The following PTPRM variants were observed in gnomAD, a reference collection of about 807,000 sequenced individuals.
The protein encoded by PTPRM is receptor-type tyrosine-protein phosphatase mu.
Under a neutral mutation model 186.7 loss-of-function variants are expected in PTPRM, and 47 were observed. That is an observed-to-expected ratio of 0.25 (90% CI 0.20 to 0.32). The LOEUF is 0.32. Among genes scored for constraint, PTPRM ranks in the 10% least tolerant of loss-of-function variants. The probability of loss-of-function intolerance (pLI) is 1.00; values close to 1 mark genes in which losing one functional copy is unlikely to be tolerated. For synonymous variants in PTPRM, 668 were observed against 674.9 expected, an observed-to-expected ratio of 0.99 and a Z score of 0.16; for missense variants, 1,494 against 1,865.0, an observed-to-expected ratio of 0.80 and a Z score of 3.66.
chr18:8,040,750 T>G (rs547583813), intron 7 of PTPRM, among the ~76,000 whole-genome samples: 1 of 152,342 alleles, frequency 6.6e-6, no homozygotes, highest in South Asian at 2.1e-4. Flanking sequence ...CAGTTCAAAG[T>G]TTATTTCACC....
In PTPRM at chr18:8,085,711, A is replaced by T; in HGVS notation, c.1592A>T (p.Asp531Val). 1 of 1,611,092 alleles carries T rather than the reference A, an allele frequency of 6.2e-7. No homozygotes were observed. Among genetic ancestry groups the T allele is most frequent in the South Asian group, 1.1e-5 (1 of 90,998 alleles). The change falls in exon 10 of 33, where the codon GAT (aspartate) becomes GTT (valine). Residue 531 changes from aspartate to valine, a missense_variant. Coordinates refer to ENST00000580170, the MANE Select transcript of PTPRM (RefSeq NM_001105244.2). The part of the protein sequence containing the change: ...KAVSSFDPEI[D>V]LSNQSGRVSK... ...GTCAGTTCCTTTGACCCAGAAATAG[A>T]TTTATCCAATCAGAGTGGAAGAGTT...
intron 1 of PTPRM, among the ~76,000 whole-genome samples, chr18:7,637,029 A>C (rs1292218268): frequency 6.6e-6 from 1 of 151,906 alleles, no homozygotes; most frequent in Non-Finnish European, 1.5e-5. Flanking sequence ...TTAACCAGGC[A>C]AGGTGGTGCA....
At chr18:7,835,714 C>T (rs1365852336) in intron 2 of PTPRM, among the ~76,000 whole-genome samples, 3 of 150,402 alleles carry the variant, frequency 2.0e-5, no homozygotes, top group Admixed American at 6.6e-5. Flanking sequence ...CTCTCTTTAG[C>T]GCTAATAATA....
intron 13 of PTPRM, among the ~76,000 whole-genome samples, chr18:8,123,678 T>C (rs2092252287): frequency 6.6e-6 from 1 of 152,182 alleles, no homozygotes; most frequent in African/African-American, 2.4e-5. Flanking sequence ...AGTAAAAGTA[T>C]TTGAGGGACA....
At chr18:7,900,433 TGTATTA>T (rs1302566980) in intron 3 of PTPRM, among the ~76,000 whole-genome samples, 2 of 152,220 alleles carry the variant, frequency 1.3e-5, no homozygotes, top group African/African-American at 4.8e-5. Context: ...TGCCAACTCT[TGTATTA>T]AACTTGATGC....
At chr18:7,772,932 A>G (rs1474168015) in intron 1 of PTPRM, among the ~76,000 whole-genome samples, 1 of 152,182 alleles carries the variant, frequency 6.6e-6, no homozygotes, top group Non-Finnish European at 1.5e-5. Context: ...AATAATTAAT[A>G]AGATCAATTT....
chr18:8,209,402 A>C (rs958116874), intron 14 of PTPRM, among the ~76,000 whole-genome samples: 1 of 152,182 alleles, frequency 6.6e-6, no homozygotes, highest in African/African-American at 2.4e-5. Flanking sequence ...GAAAAAAATC[A>C]AGGATGTCTC....
chr18:7,595,032 C>T (rs930087377), intron 1 of PTPRM, among the ~76,000 whole-genome samples: 5 of 152,128 alleles, frequency 3.3e-5, no homozygotes, highest in African/African-American at 1.2e-4. Flanking sequence ...TGTAGAATCA[C>T]CTTGGCAGCC....
chr18:8,112,798 G>A (rs974067983), intron 11 of PTPRM, among the ~76,000 whole-genome samples: 6 of 152,158 alleles, frequency 3.9e-5, no homozygotes, highest in African/African-American at 1.2e-4. Context: ...CCTTGCAGGC[G>A]TCTTCAGAGA....
At chr18:8,114,415 CT>C (rs1330093034) in intron 12 of PTPRM, among the ~76,000 whole-genome samples, 10 of 152,256 alleles carry the variant, frequency 6.6e-5, no homozygotes, top group Admixed American at 6.5e-4. Context: ...TCGTGGTCAA[CT>C]TGACTTTTGC....
intron 1 of PTPRM, among the ~76,000 whole-genome samples, chr18:7,620,297 CT>C (rs1388255747): frequency 6.6e-6 from 1 of 152,054 alleles, no homozygotes; most frequent in Non-Finnish European, 1.5e-5. Flanking sequence ...CTTCCTGCTT[CT>C]ACCCGCTAAG....
intron 1 of PTPRM, among the ~76,000 whole-genome samples, chr18:7,738,829 C>A (rs537799376): frequency 1.3e-5 from 2 of 152,254 alleles, no homozygotes; most frequent in African/African-American, 2.4e-5. Flanking sequence ...TTGGCCAATG[C>A]CGGCTGCAGG....
At chr18:7,724,973 A>G (rs751110503) in intron 1 of PTPRM, among the ~76,000 whole-genome samples, 10 of 152,194 alleles carry the variant, frequency 6.6e-5, no homozygotes, top group Non-Finnish European at 1.3e-4. Flanking sequence ...CTAGGACTCA[A>G]CAGATGCAAA....
chr18:8,291,534 ATTC>A (rs1224266034), intron 19 of PTPRM, among the ~76,000 whole-genome samples: 9 of 152,188 alleles, frequency 5.9e-5, no homozygotes, highest in Non-Finnish European at 1.3e-4. Context: ...TCAGAGTAGA[ATTC>A]TTCTTAAAGC....
intron 1 of PTPRM, among the ~76,000 whole-genome samples, chr18:7,693,941 T>G (rs2039788193): frequency 6.6e-6 from 1 of 152,164 alleles, no homozygotes; most frequent in South Asian, 2.1e-4. Flanking sequence ...GTAGTGTGAA[T>G]GAATCGTAAT....
At chr18:8,075,931 A>G (rs575048617) in intron 8 of PTPRM, among the ~76,000 whole-genome samples, 1 of 152,098 alleles carries the variant, frequency 6.6e-6, no homozygotes. Flanking sequence ...TTACTAAACC[A>G]TTTGACTTGT....
At chr18:7,683,509 T>C (rs1245766278) in intron 1 of PTPRM, among the ~76,000 whole-genome samples, 1 of 152,094 alleles carries the variant, frequency 6.6e-6, no homozygotes, top group African/African-American at 2.4e-5. Flanking sequence ...TCCTTTCCTT[T>C]CTTTCTTCAT....
At chr18:7,969,162 G>T (rs1466712749) in intron 7 of PTPRM, among the ~76,000 whole-genome samples, 1 of 67,568 alleles carries the variant, frequency 1.5e-5, no homozygotes, top group Non-Finnish European at 3.1e-5. Context: ...CTCACTCAAA[G>T]CCGCTCAACT....
At chr18:8,032,231 T>C (rs1407534498) in intron 7 of PTPRM, among the ~76,000 whole-genome samples, 2 of 152,164 alleles carry the variant, frequency 1.3e-5, no homozygotes, top group Non-Finnish European at 2.9e-5. Flanking sequence ...TTATGCAAAC[T>C]TGGGCAAGTC....
Sources: gnomAD v4.1 joint callset for allele counts (sites outside exome capture counted in the v4.1 genomes callset) on GRCh38, gnomAD v4.1.1 for gene constraint, MANE v1.5 for transcripts, NCBI Gene and HGNC (gene_info 2026-07-23, HGNC 2026-07-21) for gene names.